Variants in ZNF451 observed in about 807,000 individuals in gnomAD.
The protein encoded by ZNF451 is zinc finger protein 451.
A neutral mutation model predicts 107.1 loss-of-function variants in ZNF451; 80 were observed. The observed-to-expected ratio is 0.75, with a 90% CI of 0.62 to 0.90. ZNF451 has a LOEUF of 0.90. ZNF451 is among the 40% of genes least tolerant of loss of function. The probability of loss-of-function intolerance (pLI) is 0.00; values close to 1 mark genes in which losing one functional copy is unlikely to be tolerated. For missense variants in ZNF451, 1,107 were observed against 1,236.2 expected (o/e 0.90, Z 1.57); for synonymous variants, 362 against 406.5 (o/e 0.89, Z 1.32).
chr6:57,121,796 C>T (rs1048315657), intron 3 of ZNF451, among the ~76,000 whole-genome samples: 3 of 152,126 alleles, frequency 2.0e-5, no homozygotes, highest in African/African-American at 7.2e-5. Context: ...TTAAAATGGC[C>T]ATTCTGCCCA....
At chr6:57,152,423 G>A in intron 12 of ZNF451, 72 bp downstream of exon 12, 1 of 1,547,088 alleles carries the variant, frequency 6.5e-7, no homozygotes, top group Admixed American at 1.7e-5. Context: ...CACTTGAATT[G>A]TAATGAGACT....
chr6:57,101,844 C>T, intron 3 of ZNF451: 1 of 1,550,588 alleles, frequency 6.4e-7, no homozygotes, highest in Non-Finnish European at 8.7e-7. Context: ...AGATCTCCCA[C>T]TTGCCCTTTG....
chr6:57,108,593 A>G (rs1486067905), intron 3 of ZNF451: 2 of 985,222 alleles, frequency 2.0e-6, no homozygotes, highest in Non-Finnish European at 2.4e-6. Flanking sequence ...CTTCAGTAGA[A>G]TATAGTTATA....
chr6:57,148,477 T>C lies in ZNF451; in HGVS notation c.2392T>C (p.Phe798Leu). 1 of 1,614,082 alleles carries C rather than the reference T, an allele frequency of 6.2e-7. No individual in the cohort carries two copies. Among genetic ancestry groups the C allele is most frequent in the Non-Finnish European group, 8.5e-7 (1 of 1,179,970 alleles). The change falls in exon 10 of 15, where the codon TTT (phenylalanine) becomes CTT (leucine). Residue 798 changes from phenylalanine to leucine, a missense_variant. By Grantham distance (22) the Phe-to-Leu change is conservative. This residue lies in a region of ZNF451 where 608 missense variants were observed against 649.2 expected (regional missense o/e 0.94). Transcript: ENST00000370706. ...CAAGTGTGGCACCTGCACCAAAGCA[T>C]TTCATGATCCTGAGAGTGCACAGCA... ...VIKCGTCTKA[F>L]HDPESAQQHF...
At chr6:57,126,875 A>G (rs6936472) in intron 4 of ZNF451, among the ~76,000 whole-genome samples, 44,385 of 152,104 alleles carry the variant, frequency 0.29, 7,416 homozygotes, top group African/African-American at 0.46. Flanking sequence ...AAATTCTATT[A>G]TAAGAAATGC....
rs545943589 is a variant in ZNF451, at chr6:57,147,505, T to C, written c.1420T>C (p.Cys474Arg). Residue 474 changes from cysteine (C) to arginine (R), a missense_variant, in exon 10 of 15, where the codon TGT (cysteine) becomes CGT (arginine). Coordinates refer to ENST00000370706, the MANE Select transcript of ZNF451 (RefSeq NM_001031623.3). The stretch of plus-strand genomic sequence containing the variant: ...AAAATCAGTAGTTAAAACCTGGTTC[T>C]GTGAATGCAATCAGCGATTCCCAAG... ...KEKSVVKTWF[C>R]ECNQRFPSED... The C allele has an allele frequency of 1.2e-6, 2 of 1,614,178 alleles. No homozygotes were observed. The highest frequency in any genetic ancestry group is 2.2e-5 in the South Asian group (2 of 91,090).
chr6:57,113,586 A>G (rs931401955), intron 3 of ZNF451, among the ~76,000 whole-genome samples: 1 of 152,010 alleles, frequency 6.6e-6, no homozygotes, highest in African/African-American at 2.4e-5. Flanking sequence ...AATATTTGTA[A>G]AAAATATACT....
chr6:57,104,560 C>T, intron 3 of ZNF451: 1 of 985,062 alleles, frequency 1.0e-6, no homozygotes, highest in Non-Finnish European at 1.2e-6. Flanking sequence ...TTGGCACTTC[C>T]CTTTAATATG....
intron 3 of ZNF451, chr6:57,106,766 T>C: frequency 1.0e-6 from 1 of 985,350 alleles, no homozygotes; most frequent in Non-Finnish European, 1.2e-6. Flanking sequence ...TGCATGTGAT[T>C]CAATAGACTA....
rs552473043 is a variant in ZNF451 at position 57,155,196 on chromosome 6, A to G, written c.3070+1149A>G. ...CTTAAAACAAAAAACAAAAAAACAA[A>G]AAAAACAGGCTGGGTGCAGTGGCTC... On this transcript the variant is annotated intron_variant, in intron 13 of 14. Coordinates refer to ENST00000370706, the MANE Select transcript of ZNF451 (RefSeq NM_001031623.3). Among the ~76,000 whole-genome samples, 3 of 152,124 alleles carry G rather than the reference A, an allele frequency of 2.0e-5. No homozygotes were observed. In the South Asian group the frequency reaches 6.2e-4, roughly 32 times the overall value.
chr6:57,108,036 C>G, intron 3 of ZNF451: 1 of 577,620 alleles, frequency 1.7e-6, no homozygotes, highest in Non-Finnish European at 2.2e-6. Context: ...GATGGGGTTT[C>G]ACCGTGTTAG....
At chr6:57,127,731 A>G (rs1335353356) in intron 4 of ZNF451, among the ~76,000 whole-genome samples, 1 of 152,222 alleles carries the variant, frequency 6.6e-6, no homozygotes, top group African/African-American at 2.4e-5. Context: ...AAGGGGAACA[A>G]TAATACCTAA....
intron 3 of ZNF451, chr6:57,102,939 T>C: frequency 3.0e-6 from 3 of 985,478 alleles, no homozygotes; most frequent in Non-Finnish European, 3.6e-6. Flanking sequence ...AGCTCTCGTA[T>C]CAAGCTGTAA....
intron 3 of ZNF451, among the ~76,000 whole-genome samples, chr6:57,120,738 G>A (rs1027817379): frequency 2.6e-5 from 4 of 152,118 alleles, no homozygotes; most frequent in Non-Finnish European, 5.9e-5. Context: ...AAGGCAGGCT[G>A]TTCATTTTCT....
At position 57,161,036 on chromosome 6, in the gene ZNF451, A is replaced by C. The variant is rs766264590; in HGVS notation, c.3071-48A>C. On this transcript the variant is annotated intron_variant, in intron 13 of 14. Transcript: ENST00000370706. ...AGTTATTGAAAATAATATTGAGAAT[A>C]CATAAATTTATGGCACAATAACTGC... is the stretch of plus-strand genomic sequence containing the variant. 22 of 1,195,744 alleles carry C rather than the reference A, an allele frequency of 1.8e-5. No homozygotes were observed. In the South Asian group the frequency reaches 2.7e-4, roughly 14 times the overall value. 74.1% of individuals were successfully genotyped at this position (1,195,744 alleles called of 1,614,324 possible).
intron 14 of ZNF451, among the ~76,000 whole-genome samples, chr6:57,163,958 T>C (rs1763793268): frequency 6.6e-6 from 1 of 152,206 alleles, no homozygotes; most frequent in Non-Finnish European, 1.5e-5. Context: ...CTCTTAAGTG[T>C]CTTTTTATTC....
chr6:57,096,009 A>G (rs748712935), intron 2 of ZNF451, among the ~76,000 whole-genome samples: 26 of 151,910 alleles, frequency 1.7e-4, no homozygotes, highest in Non-Finnish European at 1.5e-4. Flanking sequence ...TTTTTAATAG[A>G]GACAGAGTTT....
At position 57,157,504 on chromosome 6, in the gene ZNF451, CTTGG is replaced by C. The variant is rs1456397368; in HGVS notation, c.3070+3460_3070+3463del. Among the ~76,000 whole-genome samples, 5 of 152,176 alleles carry C rather than the reference CTTGG, an allele frequency of 3.3e-5. No homozygotes were observed. In the East Asian group the frequency reaches 9.7e-4, roughly 29 times the overall value. The stretch of plus-strand genomic sequence containing the variant: ...TACTGGTACATTTTTAGGTCTCTGA[CTTGG>C]TTAGTTAGGGTAAAAGTTCTTTTCT... On this transcript the variant is annotated intron_variant, in intron 13 of 14. Coordinates refer to ENST00000370706, the MANE Select transcript of ZNF451 (RefSeq NM_001031623.3).
At chr6:57,136,038 G>A (rs560942238) in intron 7 of ZNF451, among the ~76,000 whole-genome samples, 1 of 152,224 alleles carries the variant, frequency 6.6e-6, no homozygotes, top group South Asian at 2.1e-4. Context: ...CCCCATCTCT[G>A]TCCTGGCACT....
Sources: allele counts gnomAD v4.1 joint callset (sites outside exome capture counted in the v4.1 genomes callset), GRCh38; gene constraint gnomAD v4.1.1; regional missense constraint gnomAD v4.1.1; transcripts MANE v1.5; gene names NCBI Gene and HGNC (gene_info 2026-07-23, HGNC 2026-07-21).